The following DTD2 variants were observed in gnomAD, a reference collection of about 807,000 sequenced individuals.
DTD2 encodes the protein D-aminoacyl-tRNA deacylase 2, also known as D-tyrosyl-tRNA deacylase 2 (putative).
Under a neutral mutation model 15.5 loss-of-function variants are expected in DTD2, and 12 were observed. That is an observed-to-expected ratio of 0.77 (90% CI 0.50 to 1.25). The LOEUF is 1.25. Ranked by LOEUF, DTD2 falls within the 50% of genes most tolerant of loss-of-function variation. The pLI, the probability that DTD2 is intolerant of heterozygous loss-of-function variation, is 0.00. For missense variants in DTD2, 170 were observed against 201.1 expected (o/e 0.85, Z 0.93); for synonymous variants, 59 against 77.3 (o/e 0.76, Z 1.24).
chr14:31,449,148 C>T (rs7149165), intron 2 of DTD2, among the ~76,000 whole-genome samples: 70,943 of 152,082 alleles, frequency 0.47, 16,636 homozygotes, highest in East Asian at 0.6. Flanking sequence ...TCGCCTTGGC[C>T]TCCCAAAGCG....
Position 31,453,271 on chromosome 14 carries a change from A to T in DTD2, c.181+4T>A. ...TTAAAAAAGAAACAAAGTCAAACAC[A>T]TACCCATTTTGGGAAGAAGTTCTTT... is the stretch of plus-strand genomic sequence containing the variant. On this transcript the variant is annotated splice_donor_region_variant and intron_variant, in intron 2 of 2. Transcript: ENST00000310850. 6.2e-7 allele frequency: 1 copy of T among 1,613,828 alleles called. No individual in the cohort carries two copies. Among genetic ancestry groups the T allele is most frequent in the South Asian group, 1.1e-5 (1 of 91,084 alleles).
chr14:31,449,052 C>T (rs1490545882), intron 2 of DTD2, among the ~76,000 whole-genome samples: 1 of 152,140 alleles, frequency 6.6e-6, no homozygotes, highest in African/African-American at 2.4e-5. Context: ...TGCCACCACA[C>T]CCGGCTAATT....
chr14:31,448,156 T>A lies in DTD2; in HGVS notation c.480A>T (p.Gly160=), dbSNP rs1397737939. 6.2e-7 allele frequency: 1 copy of A among 1,613,210 alleles called. No homozygotes were observed. The highest frequency in any genetic ancestry group is 8.5e-7 in the Non-Finnish European group (1 of 1,179,552). The change falls in exon 3 of 3, where the codon GGA becomes GGT. Residue 160 remains glycine (G), a synonymous_variant. Coordinates refer to ENST00000310850, the MANE Select transcript of DTD2 (RefSeq NM_080664.3). ...AAAACTCAATTAAGTGTGTGAATGG[T>A]CCGTTGGTGTCCAGCTTTAACACCT... ...NRQVLKLDTN[G]PFTHLIEF
At position 31,448,463 on chromosome 14, in the gene DTD2, G is replaced by T. The variant is rs767190809; in HGVS notation, c.182-9C>A. On this transcript the variant is annotated splice_polypyrimidine_tract_variant and intron_variant, in intron 2 of 2. Coordinates refer to ENST00000310850, the MANE Select transcript of DTD2 (RefSeq NM_080664.3). ...ATTTAACAGTGTATTAACTGGGTGA[G>T]GAAGAAAGGCAAAACATTTTAAAGT... 3.2e-6 allele frequency: 5 copies of T among 1,571,346 alleles called. No homozygotes were observed. Among genetic ancestry groups the T allele is most frequent in the Non-Finnish European group, 4.3e-6 (5 of 1,158,694 alleles).
At chr14:31,456,876 G>T (rs949384958) in intron 1 of DTD2, among the ~76,000 whole-genome samples, 1 of 152,126 alleles carries the variant, frequency 6.6e-6, no homozygotes, top group Non-Finnish European at 1.5e-5. Flanking sequence ...ACATAGGGGG[G>T]AATTCGACGC....
At chr14:31,451,186 CG>C (rs1306818596) in intron 2 of DTD2, among the ~76,000 whole-genome samples, 1 of 140,630 alleles carries the variant, frequency 7.1e-6, no homozygotes, top group Non-Finnish European at 1.5e-5. Context: ...CTCCCTCTGT[CG>C]CCCAGGCTGG....
intron 1 of DTD2, 22 bp downstream of exon 1, chr14:31,457,261 A>G (rs1437489791): frequency 6.5e-7 from 1 of 1,549,320 alleles, no homozygotes; most frequent in Admixed American, 2.0e-5. Flanking sequence ...GAGGATAACG[A>G]GAGCTGCCGG....
Position 31,446,155 on chromosome 14 carries a change from G to C in DTD2, c.*1974C>G, listed in dbSNP as rs2031955187. On this transcript the variant is annotated 3_prime_UTR_variant, in exon 3 of 3. Transcript: ENST00000310850. Reference sequence around the variant, plus strand: ...TTATTGATTCTCTGGTTCCAAAATAGAACAGTACAGGAAGGGTATAGAGAA... The same window carrying C: ...TTATTGATTCTCTGGTTCCAAAATACAACAGTACAGGAAGGGTATAGAGAA... 1 of 152,076 alleles carries C rather than the reference G, an allele frequency of 6.6e-6. No individual in the cohort carries two copies. Among genetic ancestry groups the C allele is most frequent in the African/African-American group, 2.4e-5 (1 of 41,422 alleles). 9.4% of individuals were successfully genotyped at this position (152,076 alleles called of 1,614,324 possible).
At chr14:31,450,391 C>T (rs887250379) in intron 2 of DTD2, among the ~76,000 whole-genome samples, 10 of 152,190 alleles carry the variant, frequency 6.6e-5, no homozygotes, top group Non-Finnish European at 1.2e-4. Flanking sequence ...TAAGCTTTGA[C>T]AGGTTTCTTG....
intron 1 of DTD2, 118 bp downstream of exon 1, chr14:31,457,165 C>T: frequency 1.0e-6 from 1 of 970,086 alleles, no homozygotes; most frequent in Non-Finnish European, 1.5e-6. Flanking sequence ...GACCCGGTAT[C>T]CCCGCGGCCG....
chr14:31,457,159 C>A lies in DTD2; in HGVS notation c.111+124G>T, dbSNP rs189440413. ...CACCGCGGCCAGCTTCAAGCTGACCCGGTATCCCCGCGGCCGGACCGCCGG... is the reference window on the plus strand; with the variant it reads ...CACCGCGGCCAGCTTCAAGCTGACCAGGTATCCCCGCGGCCGGACCGCCGG... On this transcript the variant is annotated intron_variant, in intron 1 of 2. Coordinates refer to ENST00000310850, the MANE Select transcript of DTD2 (RefSeq NM_080664.3). The A allele has an allele frequency of 4.8e-3, 4,373 of 906,520 alleles. 11 individuals carry two copies. Among genetic ancestry groups the A allele is most frequent in the Non-Finnish European group, 6.4e-3 (3,802 of 591,746 alleles). 56.2% of individuals were successfully genotyped at this position (906,520 alleles called of 1,614,324 possible).
Position 31,454,215 on chromosome 14 carries a change from T to C in DTD2, c.112-871A>G, listed in dbSNP as rs145519039. On this transcript the variant is annotated intron_variant, in intron 1 of 2. Transcript: ENST00000310850. ...TAGTAAGTGCTATATTAGTGTTTAT[T>C]AAATGAGTATGTAAAAATAAATTTA... is the stretch of plus-strand genomic sequence containing the variant. Among the ~76,000 whole-genome samples, 766 of 152,328 alleles carry C rather than the reference T, an allele frequency of 5.0e-3. 5 individuals carry two copies. The highest frequency in any genetic ancestry group is 0.02 in the Middle Eastern group (6 of 294).
Position 31,447,992 on chromosome 14 carries a change from A to G in DTD2, c.*137T>C, listed in dbSNP as rs2031981908. 2 of 708,238 alleles carry G rather than the reference A, an allele frequency of 2.8e-6. No individual in the cohort carries two copies. The highest frequency in any genetic ancestry group is 4.0e-5 in the South Asian group (2 of 50,404). 43.9% of individuals were successfully genotyped at this position (708,238 alleles called of 1,614,324 possible). ...AAAGTCATCCAATTAGCAGGTGCAGAGTTATATATGAAACCCAAGATTTTC... is the reference window on the plus strand; with the variant it reads ...AAAGTCATCCAATTAGCAGGTGCAGGGTTATATATGAAACCCAAGATTTTC... On this transcript the variant is annotated 3_prime_UTR_variant, in exon 3 of 3. Coordinates refer to ENST00000310850, the MANE Select transcript of DTD2 (RefSeq NM_080664.3).
At chr14:31,449,549 C>T (rs537246704) in intron 2 of DTD2, among the ~76,000 whole-genome samples, 1 of 152,238 alleles carries the variant, frequency 6.6e-6, no homozygotes, top group African/African-American at 2.4e-5. Context: ...TAAGAAGTGT[C>T]GAAACCACCA....
chr14:31,451,725 T>G (rs1595217309), intron 2 of DTD2, among the ~76,000 whole-genome samples: 1 of 152,176 alleles, frequency 6.6e-6, no homozygotes, highest in East Asian at 1.9e-4. Flanking sequence ...CTCTTCTAGG[T>G]TTTCTGTAAG....
At chr14:31,450,078 C>T (rs1484097106) in intron 2 of DTD2, among the ~76,000 whole-genome samples, 1 of 152,184 alleles carries the variant, frequency 6.6e-6, no homozygotes, top group Non-Finnish European at 1.5e-5. Flanking sequence ...CACTTCATTC[C>T]ACTCGAAATC....
intron 1 of DTD2, among the ~76,000 whole-genome samples, chr14:31,455,892 CAAAAT>C (rs1480126981): frequency 2.0e-5 from 3 of 151,488 alleles, no homozygotes; most frequent in African/African-American, 4.9e-5. Flanking sequence ...GATAGGATGG[CAAAAT>C]AAAATAATAA....
chr14:31,455,273 C>T (rs1258884822), intron 1 of DTD2, among the ~76,000 whole-genome samples: 1 of 151,910 alleles, frequency 6.6e-6, no homozygotes, highest in Non-Finnish European at 1.5e-5. Flanking sequence ...ATAATTCGGC[C>T]GGGCACGGTG....
intron 1 of DTD2, among the ~76,000 whole-genome samples, chr14:31,456,797 A>G (rs918302933): frequency 6.6e-6 from 1 of 152,202 alleles, no homozygotes; most frequent in East Asian, 1.9e-4. Flanking sequence ...ATTGGTCAAA[A>G]CTTTTAAAAG....
Sources: gnomAD v4.1 joint callset for allele counts (sites outside exome capture counted in the v4.1 genomes callset) on GRCh38, gnomAD v4.1.1 for gene constraint, MANE v1.5 for transcripts, NCBI Gene and HGNC (gene_info 2026-07-23, HGNC 2026-07-21) for gene names.